Variants in FBXL7 observed in about 807,000 individuals in gnomAD.
FBXL7 encodes F-box/LRR-repeat protein 7.
FBXL7 carries 12 observed loss-of-function variants against 38.3 expected under a neutral mutation model. The ratio of observed to expected loss-of-function variants is 0.31; its 90% CI spans 0.20 to 0.51. The LOEUF (loss-of-function observed/expected upper bound fraction) is 0.51, where lower values mean the gene tolerates loss of function less well. Ranked by LOEUF, FBXL7 falls within the 20% of genes least tolerant of loss-of-function variation. The pLI is 0.98. For synonymous variants in FBXL7, 297 were observed against 300.9 expected (o/e 0.99, Z 0.13); for missense variants, 567 against 676.4 (o/e 0.84, Z 1.79).
intron 2 of FBXL7, among the ~76,000 whole-genome samples, chr5:15,895,135 A>C (rs1741053995): frequency 6.6e-6 from 1 of 152,202 alleles, no homozygotes; most frequent in African/African-American, 2.4e-5. Context: ...GCACAAAAGT[A>C]ATTGTGGTTT....
chr5:15,899,087 A>G (rs1002336730), intron 2 of FBXL7, among the ~76,000 whole-genome samples: 2 of 152,166 alleles, frequency 1.3e-5, no homozygotes, highest in South Asian at 4.1e-4. Flanking sequence ...ATTTTTTGAG[A>G]CGGAGTTTTG....
At chr5:15,702,558 T>A (rs1343772183) in intron 2 of FBXL7, among the ~76,000 whole-genome samples, 3 of 152,184 alleles carry the variant, frequency 2.0e-5, no homozygotes, top group Non-Finnish European at 4.4e-5. Flanking sequence ...ACCGGTATTT[T>A]ATTGAACAAT....
intron 2 of FBXL7, among the ~76,000 whole-genome samples, chr5:15,901,154 C>G (rs1741224037): frequency 6.6e-6 from 1 of 152,180 alleles, no homozygotes; most frequent in Non-Finnish European, 1.5e-5. Context: ...GTTCAGGATG[C>G]TGTAACAAAA....
At chr5:15,878,795 G>T (rs1740319597) in intron 2 of FBXL7, among the ~76,000 whole-genome samples, 1 of 152,142 alleles carries the variant, frequency 6.6e-6, no homozygotes, top group African/African-American at 2.4e-5. Flanking sequence ...TGCACTTAGG[G>T]TCTTCATATA....
chr5:15,702,911 G>A (rs1402654346), intron 2 of FBXL7, among the ~76,000 whole-genome samples: 1 of 152,124 alleles, frequency 6.6e-6, no homozygotes, highest in Non-Finnish European at 1.5e-5. Flanking sequence ...CAGTCAAAGG[G>A]GGGTTGTTCT....
At chr5:15,912,777 A>T (rs1005011834) in intron 2 of FBXL7, among the ~76,000 whole-genome samples, 7 of 152,128 alleles carry the variant, frequency 4.6e-5, no homozygotes, top group Non-Finnish European at 1.0e-4. Flanking sequence ...CCGAAACGCC[A>T]GTCTTTGTGC....
intron 2 of FBXL7, among the ~76,000 whole-genome samples, chr5:15,741,984 G>A (rs1735905096): frequency 6.6e-6 from 1 of 152,172 alleles, no homozygotes; most frequent in Non-Finnish European, 1.5e-5. Flanking sequence ...TACTGAGGCA[G>A]AATGAGCTAT....
rs1424343968 is a variant in FBXL7, at chr5:15,939,690, G to A, written c.*2504G>A. 6.6e-6 allele frequency: 1 copy of A among 152,592 alleles called. No individual in the cohort carries two copies. Among genetic ancestry groups the A allele is most frequent in the East Asian group, 1.9e-4 (1 of 5,200 alleles). The allele number at this position is 152,592 out of a possible 1,614,324, so 9.5% of individuals were successfully genotyped here. On this transcript the variant is annotated 3_prime_UTR_variant, in exon 4 of 4. Transcript: ENST00000504595. ...GGCTCTGCTAAATTGAATGCTCATT[G>A]TTTGTTGTTGTTGTTTTTTAATTCT...
intron 1 of FBXL7, among the ~76,000 whole-genome samples, chr5:15,586,894 G>C (rs1008680708): frequency 2.6e-5 from 4 of 152,208 alleles, no homozygotes; most frequent in African/African-American, 9.7e-5. Context: ...TTACACCTGA[G>C]AATAGGTTGC....
At chr5:15,696,597 CT>C (rs1356272335) in intron 2 of FBXL7, among the ~76,000 whole-genome samples, 1 of 152,156 alleles carries the variant, frequency 6.6e-6, no homozygotes, top group African/African-American at 2.4e-5. Flanking sequence ...TGCAATATTG[CT>C]TACGGTAAGT....
At chr5:15,914,201 A>G (rs1450124124) in intron 2 of FBXL7, among the ~76,000 whole-genome samples, 2 of 151,990 alleles carry the variant, frequency 1.3e-5, no homozygotes, top group Non-Finnish European at 2.9e-5. Context: ...CCTGGCTAAC[A>G]TGATAAAACC....
chr5:15,818,616 A>T (rs2126761444), intron 2 of FBXL7, among the ~76,000 whole-genome samples: 1 of 152,244 alleles, frequency 6.6e-6, no homozygotes, highest in Non-Finnish European at 1.5e-5. Context: ...ATTGGTAATT[A>T]AATAAGCATA....
At chr5:15,778,705 G>C (rs1255013931) in intron 2 of FBXL7, among the ~76,000 whole-genome samples, 1 of 152,056 alleles carries the variant, frequency 6.6e-6, no homozygotes, top group Non-Finnish European at 1.5e-5. Context: ...TTTAAAGGGA[G>C]AGAGAATCCC....
chr5:15,828,220 A>G lies in FBXL7; in HGVS notation c.128-99670A>G, dbSNP rs115741511. On this transcript the variant is annotated intron_variant, in intron 2 of 3. Transcript: ENST00000504595. ...TTAAGTGCCAAGTGTAGTCAGTGCT[A>G]TGTAGGTATTGTTGCTGGCTATTAT... is the stretch of plus-strand genomic sequence containing the variant. Among the ~76,000 whole-genome samples, 902 of 152,346 alleles carry G rather than the reference A, an allele frequency of 5.9e-3. 7 individuals carry two copies. Among genetic ancestry groups the G allele is most frequent in the African/African-American group, 0.02 (852 of 41,586 alleles).
intron 2 of FBXL7, among the ~76,000 whole-genome samples, chr5:15,842,141 G>A (rs1157770427): frequency 6.6e-6 from 1 of 152,240 alleles, no homozygotes; most frequent in East Asian, 1.9e-4. Context: ...ATCAGTGAAA[G>A]CAGCTGGGAG....
At chr5:15,522,899 G>A (rs1737140739) in intron 1 of FBXL7, among the ~76,000 whole-genome samples, 1 of 152,140 alleles carries the variant, frequency 6.6e-6, no homozygotes, top group Non-Finnish European at 1.5e-5. Flanking sequence ...ACAATAGTGG[G>A]TCTTCATAGT....
intron 3 of FBXL7, among the ~76,000 whole-genome samples, chr5:15,933,922 G>A (rs1342571684): frequency 6.6e-6 from 1 of 152,078 alleles, no homozygotes; most frequent in Non-Finnish European, 1.5e-5. Flanking sequence ...TATATATACA[G>A]CCTCGGTAGT....
intron 1 of FBXL7, among the ~76,000 whole-genome samples, chr5:15,533,937 G>A (rs1303485678): frequency 1.3e-5 from 2 of 152,232 alleles, no homozygotes; most frequent in East Asian, 3.9e-4. Context: ...AGTGGGAACA[G>A]CACCTTTTTT....
intron 2 of FBXL7, among the ~76,000 whole-genome samples, chr5:15,677,468 GAAAGAA>G (rs1449628662): frequency 1.5e-5 from 2 of 133,128 alleles, no homozygotes; most frequent in Non-Finnish European, 3.2e-5. Context: ...CTCCAAAAAA[GAAAGAA>G]AGAGAGAGAG....
Sources: gnomAD v4.1 joint callset for allele counts (sites outside exome capture counted in the v4.1 genomes callset) on GRCh38, gnomAD v4.1.1 for gene constraint, MANE v1.5 for transcripts, NCBI Gene and HGNC (gene_info 2026-07-23, HGNC 2026-07-21) for gene names.